Variants in MFSD8 observed in about 807,000 individuals in gnomAD.
MFSD8 encodes the protein major facilitator superfamily domain containing 8.
A neutral mutation model predicts 66.4 loss-of-function variants in MFSD8; 55 were observed. That is an observed-to-expected ratio of 0.83 (90% CI 0.67 to 1.04). The LOEUF is 1.04. MFSD8 is among the 50% of genes least tolerant of loss of function. The pLI, the probability that MFSD8 is intolerant of heterozygous loss-of-function variation, is 0.00. For synonymous variants in MFSD8, 202 were observed against 212.8 expected (o/e 0.95, Z 0.44); for missense variants, 550 against 627.6 (o/e 0.88, Z 1.32).
At chr4:127,964,848 C>A (rs1744739440) in intron 1 of MFSD8, 1 of 620,464 alleles carries the variant, frequency 1.6e-6, no homozygotes, top group African/African-American at 1.8e-5. Context: ...TTTCTCCAGC[C>A]CCGTCACTCG....
chr4:127,921,839 T>C (rs761401936), intron 10 of MFSD8, 21 bp downstream of exon 10: 11 of 1,613,608 alleles, frequency 6.8e-6, no homozygotes, highest in South Asian at 3.3e-5. Context: ...GTTAACATTA[T>C]AGAATTATGT....
At chr4:127,951,730 ATTT>A (rs535484160) in intron 2 of MFSD8, among the ~76,000 whole-genome samples, 6 of 136,164 alleles carry the variant, frequency 4.4e-5, no homozygotes, top group African/African-American at 8.1e-5. Flanking sequence ...TTCACTTAGT[ATTT>A]TTTTTTTTTT....
intron 7 of MFSD8, among the ~76,000 whole-genome samples, chr4:127,937,020 T>C (rs1488995358): frequency 6.6e-6 from 1 of 152,244 alleles, no homozygotes; most frequent in Non-Finnish European, 1.5e-5. Context: ...TTATACGCAC[T>C]GCTGGCACTT....
At position 127,951,464 on chromosome 4, in the gene MFSD8, G is replaced by A. The variant is rs532536593; in HGVS notation, c.155-1617C>T. The stretch of plus-strand genomic sequence containing the variant: ...GGCTGGTCTCGAACTCCTGACCTCA[G>A]GTGATCTGCCTGCCTTGCCTCCCAA... On this transcript the variant is annotated intron_variant, in intron 2 of 11. Transcript: ENST00000641686. Among the ~76,000 whole-genome samples the A allele has an allele frequency of 8.5e-5, 13 of 152,174 alleles. No individual in the cohort carries two copies. In the East Asian group the frequency reaches 2.5e-3, roughly 30 times the overall value.
intron 8 of MFSD8, 21 bp downstream of exon 8, chr4:127,932,964 T>A: frequency 1.9e-6 from 3 of 1,552,356 alleles, no homozygotes; most frequent in South Asian, 1.1e-5. Context: ...CTGATTCAGA[T>A]GAAGATGGAA....
intron 2 of MFSD8, among the ~76,000 whole-genome samples, chr4:127,955,540 A>C (rs1742706555): frequency 6.0e-5 from 1 of 16,670 alleles, no homozygotes; most frequent in Non-Finnish European, 1.1e-4. Flanking sequence ...ACTTTGTCTC[A>C]AAAAAAAAAA....
intron 1 of MFSD8, 27 bp downstream of exon 1, chr4:127,965,044 AG>A: frequency 1.2e-6 from 2 of 1,611,356 alleles, no homozygotes; most frequent in South Asian, 2.2e-5. Context: ...CAGGAGACTG[AG>A]GGGTCCCTCC....
intron 3 of MFSD8, among the ~76,000 whole-genome samples, chr4:127,947,485 GGA>G (rs1394557634): frequency 6.6e-6 from 1 of 151,684 alleles, no homozygotes; most frequent in Non-Finnish European, 1.5e-5. Flanking sequence ...GACTGAGGCA[GGA>G]GAATCGCTTG....
rs541661940 is a variant in MFSD8, at chr4:127,935,975, GC to G, written c.754+2807del. ...AGATGCTCAGCATCTCACTAGGGTTGCCAGATTTAGTAAATATACAGGAGAC... is the reference window on the plus strand; with the variant it reads ...AGATGCTCAGCATCTCACTAGGGTTGCAGATTTAGTAAATATACAGGAGAC... On this transcript the variant is annotated intron_variant, in intron 7 of 11. Coordinates refer to ENST00000641686, the MANE Select transcript of MFSD8 (RefSeq NM_001371596.2). Among the ~76,000 whole-genome samples the G allele has an allele frequency of 6.6e-5, 10 of 152,224 alleles. No homozygotes were observed. In the East Asian group the frequency reaches 1.7e-3, roughly 26 times the overall value.
In MFSD8 at chr4:127,942,220, A is replaced by G. The variant is rs1368209085; in HGVS notation, c.440-62T>C. ...AGTATCATTCAGCTTATAAAATTCAATCCAATTTGACTTTATACAGAAGAA... is the reference window on the plus strand; with the variant it reads ...AGTATCATTCAGCTTATAAAATTCAGTCCAATTTGACTTTATACAGAAGAA... On this transcript the variant is annotated intron_variant, in intron 4 of 11. Coordinates refer to ENST00000641686, the MANE Select transcript of MFSD8 (RefSeq NM_001371596.2). The G allele has an allele frequency of 1.4e-5, 19 of 1,320,432 alleles. 1 individual carries two copies. The Admixed American group carries it at 3.0e-4, about 21-fold the overall frequency. The allele number at this position is 1,320,432 out of a possible 1,614,324, so 81.8% of individuals were successfully genotyped here.
intron 7 of MFSD8, among the ~76,000 whole-genome samples, chr4:127,936,890 C>T (rs1441143872): frequency 1.3e-5 from 2 of 152,090 alleles, no homozygotes; most frequent in African/African-American, 4.8e-5. Context: ...TTCTGAAATA[C>T]TGATTTTTAC....
At chr4:127,923,955 G>A (rs1370090778) in intron 9 of MFSD8, among the ~76,000 whole-genome samples, 1 of 151,944 alleles carries the variant, frequency 6.6e-6, no homozygotes, top group Non-Finnish European at 1.5e-5. Flanking sequence ...TTTTTTTGTT[G>A]TGTCTCTGCC....
intron 5 of MFSD8, 111 bp downstream of exon 5, chr4:127,941,934 T>C: frequency 1.2e-6 from 1 of 856,892 alleles, no homozygotes. Context: ...AAATTAGCTT[T>C]CCTCCCTTTC....
intron 7 of MFSD8, chr4:127,934,682 C>A (rs575443197): frequency 6.7e-6 from 1 of 149,984 alleles, no homozygotes; most frequent in Non-Finnish European, 1.5e-5. Flanking sequence ...CGGGTTCAAG[C>A]GATTCTCCTG....
chr4:127,945,240 A>T (rs111843758), intron 3 of MFSD8: 1 of 152,226 alleles, frequency 6.6e-6, no homozygotes, highest in Admixed American at 6.5e-5. Context: ...ACAAATATAG[A>T]TAAGTGGTAG....
intron 6 of MFSD8, 25 bp downstream of exon 6, chr4:127,939,828 A>G (rs774533726): frequency 6.3e-7 from 1 of 1,592,654 alleles, no homozygotes; most frequent in Non-Finnish European, 8.6e-7. Context: ...CTACAAAAAT[A>G]GTTTTATCAT....
At chr4:127,950,277 C>T (rs56114391) in intron 2 of MFSD8, among the ~76,000 whole-genome samples, 57 of 152,250 alleles carry the variant, frequency 3.7e-4, no homozygotes, top group Middle Eastern at 3.4e-3. Flanking sequence ...TACAGGGGGG[C>T]TATAGAAAAC....
intron 9 of MFSD8, among the ~76,000 whole-genome samples, chr4:127,923,258 G>C (rs1211781795): frequency 6.6e-6 from 1 of 152,172 alleles, no homozygotes; most frequent in African/African-American, 2.4e-5. Context: ...GATACTGGCT[G>C]TGGGTTTGTC....
rs550627957 is a variant in MFSD8, at chr4:127,965,161, G to A, written c.-28C>T. On this transcript the variant is annotated 5_prime_UTR_variant, in exon 1 of 12. Transcript: ENST00000641686. ...TTACACTCCCTACAAGGCGTCTTGC[G>A]CCCAACTCTCGCGACACCTGCTTTC... is the stretch of plus-strand genomic sequence containing the variant. 5.0e-6 allele frequency: 8 copies of A among 1,613,414 alleles called. No homozygotes were observed. The South Asian group carries it at 7.7e-5, about 16-fold the overall frequency.
Sources: allele counts gnomAD v4.1 joint callset (sites outside exome capture counted in the v4.1 genomes callset), GRCh38; gene constraint gnomAD v4.1.1; transcripts MANE v1.5; gene names NCBI Gene and HGNC (gene_info 2026-07-23, HGNC 2026-07-21).